The following GCNT4 variants were observed in gnomAD, a reference collection of about 807,000 sequenced individuals.
GCNT4 encodes the protein glucosaminyl (N-acetyl) transferase 4, also known as beta-1,3-galactosyl-O-glycosyl-glycoprotein beta-1,6-N-acetylglucosaminyltransferase 4.
Under a neutral mutation model 31.3 loss-of-function variants are expected in GCNT4, and 17 were observed. The observed-to-expected ratio is 0.54, with a 90% CI of 0.37 to 0.81. The LOEUF is 0.81. Among genes scored for constraint, GCNT4 ranks in the 40% least tolerant of loss-of-function variants. GCNT4 has a pLI of 0.00. For missense variants in GCNT4, 503 were observed against 525.5 expected (o/e 0.96, Z 0.42); for synonymous variants, 158 against 190.6 (o/e 0.83, Z 1.41).
intron 3 of GCNT4, among the ~76,000 whole-genome samples, chr5:75,038,930 C>T (rs1743258434): frequency 6.6e-6 from 1 of 152,196 alleles, no homozygotes; most frequent in Non-Finnish European, 1.5e-5. Context: ...TTGGTCCAGA[C>T]TGGCTCTACT....
rs969054004 is a variant in GCNT4 at position 75,027,070 on chromosome 5, T to C, written c.*1606A>G. 1 of 151,600 alleles carries C rather than the reference T, an allele frequency of 6.6e-6. No homozygotes were observed. Among genetic ancestry groups the C allele is most frequent in the African/African-American group, 2.4e-5 (1 of 41,266 alleles). 9.4% of individuals were successfully genotyped at this position (151,600 alleles called of 1,614,324 possible). The stretch of plus-strand genomic sequence containing the variant: ...TTGTCCTATTTTGGGCTAGATTTAC[T>C]ACATCTTTAAATATAATATCTGAGG... On this transcript the variant is annotated 3_prime_UTR_variant, in exon 4 of 4. Coordinates refer to ENST00000652361, the MANE Select transcript of GCNT4 (RefSeq NM_001366737.1).
chr5:75,032,872 GGTGTGTGTGTGTGTGTGT>G (rs60551634), intron 3 of GCNT4, among the ~76,000 whole-genome samples: 1,462 of 130,742 alleles, frequency 0.011, 18 homozygotes, highest in African/African-American at 0.033. Flanking sequence ...CCCAAATAGG[GGTGTGTGTGTGTGTGTGT>G]GTGTGTGTGT....
chr5:75,043,222 T>C (rs61190902), intron 3 of GCNT4, among the ~76,000 whole-genome samples: 1 of 152,172 alleles, frequency 6.6e-6, no homozygotes, highest in African/African-American at 2.4e-5. Context: ...AAAACCAGAC[T>C]CTTCAGATTT....
intron 3 of GCNT4, among the ~76,000 whole-genome samples, chr5:75,034,558 G>A (rs1743155381): frequency 6.6e-6 from 1 of 152,216 alleles, no homozygotes; most frequent in South Asian, 2.1e-4. Flanking sequence ...TTTGCTGCCA[G>A]GAAGTGGTCT....
chr5:75,042,774 C>A (rs1054815308), intron 3 of GCNT4, among the ~76,000 whole-genome samples: 4 of 152,200 alleles, frequency 2.6e-5, no homozygotes, highest in African/African-American at 9.7e-5. Context: ...TGCACTTCCA[C>A]TGAAAAACAG....
At chr5:75,043,733 T>C (rs1324150542) in intron 3 of GCNT4, among the ~76,000 whole-genome samples, 2 of 152,162 alleles carry the variant, frequency 1.3e-5, no homozygotes, top group African/African-American at 4.8e-5. Flanking sequence ...TAAGCCCTTA[T>C]ATGTTTAAGC....
At position 75,037,274 on chromosome 5, in the gene GCNT4, G is replaced by A. The variant is rs368668120; in HGVS notation, c.-1-7236C>T. 2.0e-5 allele frequency among the ~76,000 whole-genome samples: 3 copies of A among 152,136 alleles called. No homozygotes were observed. In the South Asian group the frequency reaches 6.2e-4, roughly 32 times the overall value. ...TCTGGAGTGAGACCATTAGGTGGGA[G>A]GATGACTCAGTCAGATGCAGTTCCT... On this transcript the variant is annotated intron_variant, in intron 3 of 3. Transcript: ENST00000652361.
At chr5:75,018,373 G>A in the GCNT4 span, among the ~76,000 whole-genome samples, 2,889 of 152,142 alleles carry the variant, frequency 0.019, 86 homozygotes, top group African/African-American at 0.066. Flanking sequence ...CTTCCGCCTC[G>A]TGGGTTCAAG....
downstream of GCNT4, among the ~76,000 whole-genome samples, chr5:75,020,419 A>G (rs1430337303): frequency 6.6e-6 from 1 of 152,134 alleles, no homozygotes; most frequent in African/African-American, 2.4e-5. Flanking sequence ...GGAAAGAGTT[A>G]GGCTGCTGAC....
intron 3 of GCNT4, among the ~76,000 whole-genome samples, chr5:75,042,567 C>T (rs1013013369): frequency 6.6e-6 from 1 of 152,232 alleles, no homozygotes; most frequent in Non-Finnish European, 1.5e-5. Context: ...CAGGGATAAA[C>T]AGACATGAAT....
At chr5:75,045,156 TA>T (rs1032102114) in intron 3 of GCNT4, among the ~76,000 whole-genome samples, 1 of 152,256 alleles carries the variant, frequency 6.6e-6, no homozygotes, top group African/African-American at 2.4e-5. Context: ...TTTACCACTT[TA>T]ATCAATTTTA....
chr5:75,050,529 T>C (rs1743545421), intron 2 of GCNT4, among the ~76,000 whole-genome samples: 2 of 151,982 alleles, frequency 1.3e-5, no homozygotes, highest in South Asian at 4.1e-4. Context: ...ACACCCCTCG[T>C]ACAGAGGACC....
chr5:75,032,292 C>T (rs1455357459), intron 3 of GCNT4, among the ~76,000 whole-genome samples: 1 of 152,186 alleles, frequency 6.6e-6, no homozygotes, highest in Non-Finnish European at 1.5e-5. Flanking sequence ...ACACCTTTCC[C>T]TCCAGCCTTC....
rs201693155 is a variant in GCNT4, at chr5:75,029,659, C to T, written c.379G>A (p.Glu127Lys). Residue 127 changes from glutamate (E) to lysine (K), a missense_variant, in exon 4 of 4, where the codon GAG becomes AAG. Coordinates refer to ENST00000652361, the MANE Select transcript of GCNT4 (RefSeq NM_001366737.1). ...TAGGCTATTGGGAAGCTTTTCTCCTCCTTTGAGACAAGCTTTTGAGCATAA... is the reference window on the plus strand; with the variant it reads ...TAGGCTATTGGGAAGCTTTTCTCCTTCTTTGAGACAAGCTTTTGAGCATAA... ...RGYAQKLVSK[E>K]EKSFPIAYSL... is the part of the protein sequence containing the mutation. 8.1e-6 allele frequency: 13 copies of T among 1,614,070 alleles called. No homozygotes were observed. The highest frequency in any genetic ancestry group is 6.7e-5 in the African/African-American group (5 of 75,042).
downstream of GCNT4, among the ~76,000 whole-genome samples, chr5:75,020,401 G>A (rs969525885): frequency 2.6e-5 from 4 of 152,166 alleles, no homozygotes; most frequent in Admixed American, 2.6e-4. Context: ...ACTGGCTTGT[G>A]CCCAGAGGGA....
intron 3 of GCNT4, among the ~76,000 whole-genome samples, chr5:75,031,519 A>C (rs1443439782): frequency 6.6e-6 from 1 of 152,208 alleles, no homozygotes; most frequent in Non-Finnish European, 1.5e-5. Context: ...AGTTCCAATA[A>C]TACTTTATTT....
At chr5:75,022,777 G>C (rs1214097873), downstream of GCNT4, among the ~76,000 whole-genome samples, 1 of 152,176 alleles carries the variant, frequency 6.6e-6, no homozygotes, top group Admixed American at 6.5e-5. Flanking sequence ...GAGACTGCAG[G>C]TAGGTAGTCT....
downstream of GCNT4, among the ~76,000 whole-genome samples, chr5:75,021,540 C>T (rs1418499975): frequency 1.3e-5 from 2 of 152,192 alleles, no homozygotes; most frequent in East Asian, 3.9e-4. Context: ...ACACTAGCCA[C>T]CCTTATAAGG....
rs761175066 is a variant in GCNT4 at position 75,029,276 on chromosome 5, C to T, written c.762G>A (p.Thr254=). The change falls in exon 4 of 4, where the codon ACG becomes ACA. Residue 254 remains threonine (T), a synonymous_variant. Transcript: ENST00000652361. ...KKLNGANMLE[T]VKPPNSKLER... ...CCAATTTACTGTTTGGGGGTTTCACCGTCTCCAACATATTTGCTCCATTGA... is the reference window on the plus strand; with the variant it reads ...CCAATTTACTGTTTGGGGGTTTCACTGTCTCCAACATATTTGCTCCATTGA... 3.0e-5 allele frequency: 48 copies of T among 1,613,938 alleles called. No homozygotes were observed. Among genetic ancestry groups the T allele is most frequent in the South Asian group, 1.1e-4 (10 of 91,068 alleles).
Sources: gnomAD v4.1 joint callset for allele counts (sites outside exome capture counted in the v4.1 genomes callset) on GRCh38, gnomAD v4.1.1 for gene constraint, MANE v1.5 for transcripts, NCBI Gene and HGNC (gene_info 2026-07-23, HGNC 2026-07-21) for gene names.